Variants in MAST4 observed in about 807,000 individuals in gnomAD.
The protein encoded by MAST4 is microtubule associated serine/threonine kinase family member 4.
A neutral mutation model predicts 162.7 loss-of-function variants in MAST4; 89 were observed. The observed-to-expected ratio is 0.55, with a 90% CI of 0.46 to 0.65. MAST4 has a LOEUF of 0.65. Among genes scored for constraint, MAST4 ranks in the 30% least tolerant of loss-of-function variants. The probability of loss-of-function intolerance (pLI) is 0.00; values close to 1 mark genes in which losing one functional copy is unlikely to be tolerated. For synonymous variants in MAST4, 1,479 were observed against 1,361.1 expected (o/e 1.09, Z -1.91); for missense variants, 3,153 against 3,374.0 (o/e 0.93, Z 1.62).
At chr5:66,690,100 T>A (rs1006633504) in intron 1 of MAST4, among the ~76,000 whole-genome samples, 1 of 152,168 alleles carries the variant, frequency 6.6e-6, no homozygotes, top group Non-Finnish European at 1.5e-5. Flanking sequence ...TTAGGGAAAC[T>A]CCACTCCTGT....
At chr5:66,962,440 G>C (rs1456459889) in intron 4 of MAST4, among the ~76,000 whole-genome samples, 2 of 152,222 alleles carry the variant, frequency 1.3e-5, no homozygotes, top group African/African-American at 4.8e-5. Flanking sequence ...AGCCATGGTG[G>C]CTTACGCCTG....
intron 1 of MAST4, among the ~76,000 whole-genome samples, chr5:66,625,521 G>A (rs1201030104): frequency 1.3e-5 from 2 of 151,936 alleles, no homozygotes; most frequent in Non-Finnish European, 2.9e-5. Flanking sequence ...CAATTAAACG[G>A]GCAAAGTACC....
At chr5:66,988,469 A>G (rs1703249) in intron 4 of MAST4, among the ~76,000 whole-genome samples, 81,606 of 151,998 alleles carry the variant, frequency 0.54, 22,582 homozygotes, top group East Asian at 0.66. Context: ...ATAAAATAAC[A>G]GTAACATGAC....
intron 1 of MAST4, among the ~76,000 whole-genome samples, chr5:66,706,864 A>G (rs1237538065): frequency 6.6e-6 from 1 of 152,200 alleles, no homozygotes; most frequent in Non-Finnish European, 1.5e-5. Flanking sequence ...GCCTCATTAG[A>G]ATGTTTAATA....
At chr5:66,688,701 T>A (rs1189873833) in intron 1 of MAST4, among the ~76,000 whole-genome samples, 1 of 152,126 alleles carries the variant, frequency 6.6e-6, no homozygotes, top group Non-Finnish European at 1.5e-5. Context: ...GGTACCAAAT[T>A]TACTTAGGGA....
At chr5:67,075,494 G>A in intron 5 of MAST4, among the ~76,000 whole-genome samples, 1 of 151,374 alleles carries the variant, frequency 6.6e-6, no homozygotes, top group Non-Finnish European at 1.5e-5. Context: ...TTTTTTTTAT[G>A]ACATGCATTG....
intron 26 of MAST4, among the ~76,000 whole-genome samples, 152 bp downstream of exon 26, chr5:67,153,732 T>C (rs1040373222): frequency 6.6e-6 from 1 of 152,218 alleles, no homozygotes; most frequent in African/African-American, 2.4e-5. Context: ...TATTATGAAT[T>C]CTCTGGTTTT....
chr5:66,894,814 C>T (rs1212488792), intron 3 of MAST4, among the ~76,000 whole-genome samples: 3 of 152,148 alleles, frequency 2.0e-5, no homozygotes, highest in Non-Finnish European at 4.4e-5. Context: ...GGAGGAACTC[C>T]CAAAGTGTGG....
At chr5:66,917,096 A>G (rs1300268901) in intron 4 of MAST4, 1 of 713,220 alleles carries the variant, frequency 1.4e-6, no homozygotes, top group African/African-American at 1.8e-5. Context: ...AAGAATGCCC[A>G]TTTTCTACAT....
In MAST4 at chr5:67,164,937, CAGAG is replaced by C. The variant is rs1182882075; in HGVS notation, c.5763_5766del (p.Glu1922AlafsTer16). The stretch of plus-strand genomic sequence containing the variant: ...AACAGTCATGGAAAGCAATCCCCAA[CAGAG>C]AGAGGGCAGCTCCCCTAAACACCAA... On this transcript the variant is annotated frameshift_variant, in exon 29 of 29. Coordinates refer to ENST00000403625, the MANE Select transcript of MAST4 (RefSeq NM_001164664.2). LOFTEE classifies it low-confidence loss of function (END_TRUNC). The surrounding 1 kb of genome is among the most constrained non-coding windows in gnomAD (Gnocchi z 5.3). 1.9e-6 allele frequency: 3 copies of C among 1,613,870 alleles called. No homozygotes were observed. In the African/African-American group the frequency reaches 4.0e-5, roughly 22 times the overall value.
intron 26 of MAST4, among the ~76,000 whole-genome samples, chr5:67,157,877 A>G (rs903832352): frequency 6.6e-6 from 1 of 152,254 alleles, no homozygotes; most frequent in Non-Finnish European, 1.5e-5. Flanking sequence ...AAATAAATTT[A>G]GAGAATATAT....
intron 13 of MAST4, among the ~76,000 whole-genome samples, chr5:67,119,703 A>C (rs1341481579): frequency 6.6e-6 from 1 of 152,170 alleles, no homozygotes; most frequent in Non-Finnish European, 1.5e-5. Flanking sequence ...AGTTCCTTTG[A>C]AACATTAAAG....
chr5:66,762,087 G>T lies in MAST4; in HGVS notation c.517+2225G>T, dbSNP rs572902170. Reference sequence around the variant, plus strand: ...TGATCAGATATATGATCTCAAACATGAAATTTGGCCTTTAGCTTTGAAAAT... The same window carrying T: ...TGATCAGATATATGATCTCAAACATTAAATTTGGCCTTTAGCTTTGAAAAT... On this transcript the variant is annotated intron_variant, in intron 2 of 28. Transcript: ENST00000403625. Among the ~76,000 whole-genome samples the T allele has an allele frequency of 1.4e-4, 22 of 152,258 alleles. 1 individual carries two copies. In the South Asian group the frequency reaches 4.4e-3, roughly 30 times the overall value.
In MAST4 at chr5:67,166,561, G is replaced by T; in HGVS notation, c.7382G>T (p.Cys2461Phe). ...GCCCTCCCGGAAAAGTCTCTGAGCT[G>T]CTCCTCCAGCTTCCCTGAAACCAGG... is the stretch of plus-strand genomic sequence containing the variant. ...STALPEKSLS[C>F]SSSFPETRAG... The change falls in exon 29 of 29, where the codon TGC becomes TTC. Residue 2461 changes from cysteine to phenylalanine, a missense_variant. Coordinates refer to ENST00000403625, the MANE Select transcript of MAST4 (RefSeq NM_001164664.2). 3 of 1,606,002 alleles carry T rather than the reference G, an allele frequency of 1.9e-6. No individual in the cohort carries two copies. The highest frequency in any genetic ancestry group is 2.6e-6 in the Non-Finnish European group (3 of 1,176,434).
chr5:66,986,402 T>A, intron 4 of MAST4: 1 of 1,274,762 alleles, frequency 7.8e-7, no homozygotes, highest in East Asian at 2.6e-5. Flanking sequence ...AATCTGTAAA[T>A]GTGCATCATA....
intron 3 of MAST4, among the ~76,000 whole-genome samples, chr5:66,898,955 G>C (rs1231928501): frequency 6.6e-6 from 1 of 152,142 alleles, no homozygotes; most frequent in Non-Finnish European, 1.5e-5. Context: ...ATAAAAATAA[G>C]AGACAGGAAA....
intron 1 of MAST4, among the ~76,000 whole-genome samples, chr5:66,624,960 TAGC>T (rs969382479): frequency 1.3e-5 from 2 of 152,222 alleles, no homozygotes; most frequent in African/African-American, 4.8e-5. Context: ...TTTTTGGATA[TAGC>T]AACAAAAGCA....
chr5:66,656,126 G>A (rs372487557), intron 1 of MAST4, among the ~76,000 whole-genome samples: 9 of 152,330 alleles, frequency 5.9e-5, no homozygotes, highest in African/African-American at 2.2e-4. Context: ...GGTGCAGGCA[G>A]CCACAGGTGG....
chr5:67,114,374 C>G, intron 12 of MAST4, 155 bp downstream of exon 12: 2 of 881,840 alleles, frequency 2.3e-6, no homozygotes, highest in Non-Finnish European at 3.3e-6. Context: ...AAGGAAATAG[C>G]CATAAAATGG....
Sources: allele counts gnomAD v4.1 joint callset (sites outside exome capture counted in the v4.1 genomes callset), GRCh38; gene constraint gnomAD v4.1.1; non-coding constraint Gnocchi (gnomAD v3.1); transcripts MANE v1.5; gene names NCBI Gene and HGNC (gene_info 2026-07-23, HGNC 2026-07-21).